KIFAP3: variants seen among roughly 807,000 people sequenced by gnomAD.
KIFAP3 encodes kinesin-associated protein 3.
A neutral mutation model predicts 106.5 loss-of-function variants in KIFAP3; 68 were observed. That is an observed-to-expected ratio of 0.64 (90% CI 0.53 to 0.78). The LOEUF is 0.78. Among genes scored for constraint, KIFAP3 ranks in the 30% least tolerant of loss-of-function variants. The pLI is 0.00. For missense variants in KIFAP3, 780 were observed against 941.8 expected, an observed-to-expected ratio of 0.83 and a Z score of 2.25; for synonymous variants, 320 against 311.5, an observed-to-expected ratio of 1.03 and a Z score of -0.29.
intron 15 of KIFAP3, among the ~76,000 whole-genome samples, chr1:169,979,880 A>G (rs1666421600): frequency 1.3e-5 from 2 of 152,150 alleles, no homozygotes; most frequent in Admixed American, 1.3e-4. Context: ...TAACTCTACT[A>G]TCCATCAGTA....
intron 11 of KIFAP3, chr1:169,990,123 C>A (rs1667023457): frequency 6.7e-7 from 1 of 1,492,706 alleles, no homozygotes; most frequent in Admixed American, 2.1e-5. Flanking sequence ...TTACTCTTCT[C>A]CAATCAGTGC....
At chr1:170,061,034 T>C (rs564764085) in intron 1 of KIFAP3, among the ~76,000 whole-genome samples, 5 of 152,186 alleles carry the variant, frequency 3.3e-5, no homozygotes, top group Non-Finnish European at 5.9e-5. Flanking sequence ...AAGACTTAAA[T>C]GTTAGACCTA....
intron 17 of KIFAP3, among the ~76,000 whole-genome samples, chr1:169,966,823 T>C (rs918683180): frequency 2.0e-5 from 3 of 151,838 alleles, no homozygotes; most frequent in Admixed American, 2.0e-4. Context: ...TTTGTGATAA[T>C]GTTGCCTCAG....
chr1:170,022,362 C>A (rs1363872950), intron 9 of KIFAP3, among the ~76,000 whole-genome samples: 2 of 151,990 alleles, frequency 1.3e-5, no homozygotes, highest in Non-Finnish European at 2.9e-5. Context: ...CCTTTAGTTG[C>A]ACCTTTCTCA....
chr1:169,927,249 A>G (rs1360039226), intron 19 of KIFAP3, among the ~76,000 whole-genome samples: 1 of 152,172 alleles, frequency 6.6e-6, no homozygotes, highest in African/African-American at 2.4e-5. Flanking sequence ...CAAGGAAAAA[A>G]CATGGTGCTG....
chr1:169,943,161 T>C (rs900613134), intron 19 of KIFAP3, among the ~76,000 whole-genome samples: 2 of 152,144 alleles, frequency 1.3e-5, no homozygotes, highest in Admixed American at 1.3e-4. Context: ...ATATGGCTCA[T>C]ATCTGAGGAG....
intron 10 of KIFAP3, among the ~76,000 whole-genome samples, chr1:170,008,386 T>C (rs1668077717): frequency 6.6e-6 from 1 of 151,472 alleles, no homozygotes; most frequent in Non-Finnish European, 1.5e-5. Context: ...AAAGGGCTAA[T>C]ATCCAGAATC....
chr1:169,953,151 T>C (rs1209760440), intron 19 of KIFAP3, among the ~76,000 whole-genome samples: 1 of 152,156 alleles, frequency 6.6e-6, no homozygotes, highest in Middle Eastern at 3.2e-3. Flanking sequence ...ATATTGTTTA[T>C]ACTTTCTGGC....
intron 5 of KIFAP3, among the ~76,000 whole-genome samples, chr1:170,036,430 G>A (rs1022232772): frequency 7.9e-5 from 12 of 151,980 alleles, no homozygotes; most frequent in East Asian, 1.9e-4. Flanking sequence ...ATGAATCCAC[G>A]TAGTGACAAA....
chr1:170,034,045 C>T (rs1371038263), intron 7 of KIFAP3, among the ~76,000 whole-genome samples: 2 of 151,754 alleles, frequency 1.3e-5, no homozygotes, highest in Non-Finnish European at 3.0e-5. Flanking sequence ...AGTGGTGGGC[C>T]AGGCTTCAAC....
chr1:170,008,113 T>C (rs1441452084), intron 10 of KIFAP3, among the ~76,000 whole-genome samples: 3 of 151,580 alleles, frequency 2.0e-5, no homozygotes, highest in Admixed American at 1.3e-4. Flanking sequence ...TATACAAATA[T>C]TAACTCAAGA....
chr1:170,063,096 C>A (rs1051518965), intron 1 of KIFAP3, among the ~76,000 whole-genome samples: 3 of 152,088 alleles, frequency 2.0e-5, no homozygotes, highest in South Asian at 2.1e-4. Context: ...TAATGAAAGG[C>A]CCCAATATTA....
chr1:170,057,821 T>C (rs1002204626), intron 1 of KIFAP3, among the ~76,000 whole-genome samples: 2 of 152,128 alleles, frequency 1.3e-5, no homozygotes, highest in Non-Finnish European at 2.9e-5. Flanking sequence ...AAGCATACTA[T>C]GACACTGATA....
intron 2 of KIFAP3, among the ~76,000 whole-genome samples, chr1:170,050,985 A>G (rs1370594516): frequency 2.0e-5 from 3 of 152,226 alleles, no homozygotes; most frequent in Non-Finnish European, 4.4e-5. Context: ...AAATTCACAT[A>G]TAACAATATT....
intron 7 of KIFAP3, 135 bp downstream of exon 7, chr1:170,034,237 T>TA: frequency 1.3e-6 from 1 of 747,596 alleles, no homozygotes; most frequent in Non-Finnish European, 2.2e-6. Flanking sequence ...TAACCTTCAA[T>TA]AACACACTCC....
intron 19 of KIFAP3, among the ~76,000 whole-genome samples, 193 bp from the exon 20 acceptor site, chr1:169,921,974 A>G (rs1200529214): frequency 6.6e-6 from 1 of 152,128 alleles, no homozygotes; most frequent in Non-Finnish European, 1.5e-5. Flanking sequence ...ACTTCTAACA[A>G]TGTGTGTTAA....
intron 1 of KIFAP3, 56 bp from the exon 2 acceptor site, chr1:170,055,492 G>GT: frequency 2.8e-6 from 4 of 1,412,686 alleles, no homozygotes; most frequent in Non-Finnish European, 3.8e-6. Flanking sequence ...AGTGGCCATG[G>GT]TTTTTATCTA....
intron 1 of KIFAP3, chr1:170,085,008 C>T (rs1336236011): frequency 6.6e-6 from 1 of 152,172 alleles, no homozygotes; most frequent in Non-Finnish European, 1.5e-5. Flanking sequence ...TGATTTGCTT[C>T]AACAGTACAT....
intron 17 of KIFAP3, among the ~76,000 whole-genome samples, chr1:169,970,900 CTT>C (rs905577782): frequency 2.6e-5 from 4 of 151,852 alleles, no homozygotes; most frequent in Non-Finnish European, 5.9e-5. Flanking sequence ...TGTTTGGAAA[CTT>C]TGGATCTAGA....
Sources: gnomAD v4.1 joint callset for allele counts (sites outside exome capture counted in the v4.1 genomes callset) on GRCh38, gnomAD v4.1.1 for gene constraint, MANE v1.5 for transcripts, NCBI Gene and HGNC (gene_info 2026-07-23, HGNC 2026-07-21) for gene names.